The following TCF7L2 variants were observed in gnomAD, a reference collection of about 807,000 sequenced individuals.
The protein encoded by TCF7L2 is transcription factor 7-like 2.
A neutral mutation model predicts 77.9 loss-of-function variants in TCF7L2; 23 were observed. The ratio of observed to expected loss-of-function variants is 0.30; its 90% CI spans 0.21 to 0.42. The LOEUF is 0.42. TCF7L2 is among the 10% of genes least tolerant of loss of function. The pLI is 1.00. For missense variants in TCF7L2, 654 were observed against 793.1 expected (o/e 0.82, Z 2.11); for synonymous variants, 413 against 340.2 (o/e 1.21, Z -2.36).
chr10:112,959,232 G>A (rs534175281), intron 3 of TCF7L2, among the ~76,000 whole-genome samples: 2 of 151,850 alleles, frequency 1.3e-5, no homozygotes, highest in South Asian at 4.2e-4. Context: ...GCATTTCCCC[G>A]CAGACCTACA....
intron 4 of TCF7L2, among the ~76,000 whole-genome samples, chr10:113,025,932 A>T (rs1217794102): frequency 6.6e-6 from 1 of 150,748 alleles, no homozygotes; most frequent in South Asian, 2.1e-4. Context: ...GGGTGGAGTG[A>T]CAGTGGTGCT....
At chr10:113,042,791 A>G (rs971722320) in intron 5 of TCF7L2, among the ~76,000 whole-genome samples, 1 of 152,244 alleles carries the variant, frequency 6.6e-6, no homozygotes, top group East Asian at 1.9e-4. Flanking sequence ...CAATGTGCCA[A>G]CCAAAACCAG....
chr10:112,970,493 T>C (rs956664894), intron 4 of TCF7L2, among the ~76,000 whole-genome samples: 2 of 151,782 alleles, frequency 1.3e-5, no homozygotes, highest in African/African-American at 4.8e-5. Flanking sequence ...TGGCCACTTA[T>C]TCCTGGATGT....
intron 4 of TCF7L2, chr10:112,987,488 G>A (rs1216499367): frequency 6.8e-6 from 1 of 147,766 alleles, no homozygotes; most frequent in African/African-American, 2.5e-5. Flanking sequence ...AACGGTGTAT[G>A]TGAATGTCCT....
intron 5 of TCF7L2, among the ~76,000 whole-genome samples, chr10:113,066,771 A>G (rs549719865): frequency 2.0e-5 from 3 of 152,362 alleles, no homozygotes; most frequent in Admixed American, 1.3e-4. Context: ...AAGATTCTGC[A>G]TATCTGTTTC....
rs541767167 is a variant in TCF7L2, at chr10:113,030,595, A to G, written c.451-9430A>G. Among the ~76,000 whole-genome samples, 17 of 152,366 alleles carry G rather than the reference A, an allele frequency of 1.1e-4. No individual in the cohort carries two copies. The South Asian group carries it at 2.5e-3, about 22-fold the overall frequency. On this transcript the variant is annotated intron_variant, in intron 4 of 13. Coordinates refer to ENST00000627217, the MANE Select transcript of TCF7L2 (RefSeq NM_001146274.2). ...TAAATACTTTTCTGCCTGAAGGTAGATGGCCTCTGGCCTGCCTCTTAGTGG... is the reference window on the plus strand; with the variant it reads ...TAAATACTTTTCTGCCTGAAGGTAGGTGGCCTCTGGCCTGCCTCTTAGTGG...
intron 4 of TCF7L2, among the ~76,000 whole-genome samples, chr10:112,972,436 C>A (rs1268721656): frequency 6.6e-6 from 1 of 152,126 alleles, no homozygotes; most frequent in Non-Finnish European, 1.5e-5. Context: ...TTATTGAATT[C>A]TCTTGAGGGA....
At chr10:113,125,489 C>T (rs1029418963) in intron 5 of TCF7L2, 1 of 151,268 alleles carries the variant, frequency 6.6e-6, no homozygotes, top group Admixed American at 6.6e-5. Context: ...TGGGTTTTTT[C>T]CCCCCGAATT....
intron 5 of TCF7L2, among the ~76,000 whole-genome samples, chr10:113,049,670 C>G (rs960046092): frequency 6.6e-6 from 1 of 152,180 alleles, no homozygotes; most frequent in African/African-American, 2.4e-5. Context: ...AAGCCTTAGA[C>G]AGATCATATC....
At chr10:113,085,993 G>C (rs2059799210) in intron 5 of TCF7L2, among the ~76,000 whole-genome samples, 1 of 152,188 alleles carries the variant, frequency 6.6e-6, no homozygotes, top group Non-Finnish European at 1.5e-5. Context: ...GAGGGCCCTT[G>C]GGGCAATTCC....
intron 5 of TCF7L2, among the ~76,000 whole-genome samples, chr10:113,092,857 T>C (rs1297715600): frequency 6.6e-6 from 1 of 152,046 alleles, no homozygotes; most frequent in Non-Finnish European, 1.5e-5. Context: ...GAGCCAAGAC[T>C]CCCTCGGCTG....
At chr10:113,051,393 G>T (rs1040391337) in intron 5 of TCF7L2, among the ~76,000 whole-genome samples, 2 of 152,222 alleles carry the variant, frequency 1.3e-5, no homozygotes, top group Non-Finnish European at 2.9e-5. Flanking sequence ...TGAAGTTGGA[G>T]ATAGTCTTCT....
chr10:113,165,183 C>T (rs2073906936), intron 13 of TCF7L2, among the ~76,000 whole-genome samples: 2 of 152,188 alleles, frequency 1.3e-5, no homozygotes, highest in South Asian at 2.1e-4. Flanking sequence ...AAGAGCTTTT[C>T]AGTTCTTCTC....
At chr10:113,019,857 T>TAAAC (rs2047999736) in intron 4 of TCF7L2, among the ~76,000 whole-genome samples, 1 of 151,996 alleles carries the variant, frequency 6.6e-6, no homozygotes, top group African/African-American at 2.4e-5. Flanking sequence ...TAACGAAAAG[T>TAAAC]AAACCATCGC....
At chr10:113,034,797 G>A (rs908246964) in intron 4 of TCF7L2, among the ~76,000 whole-genome samples, 1 of 152,204 alleles carries the variant, frequency 6.6e-6, no homozygotes, top group African/African-American at 2.4e-5. Flanking sequence ...TCGGGAGGCT[G>A]AGGCAGGAGA....
At chr10:113,057,618 A>G (rs575251487) in intron 5 of TCF7L2, among the ~76,000 whole-genome samples, 32 of 152,392 alleles carry the variant, frequency 2.1e-4, no homozygotes, top group Admixed American at 1.2e-3. Context: ...AATAACTAAT[A>G]AAATAGAAAT....
chr10:113,045,507 C>T (rs1318932177), intron 5 of TCF7L2, among the ~76,000 whole-genome samples: 2 of 152,088 alleles, frequency 1.3e-5, no homozygotes, highest in Non-Finnish European at 2.9e-5. Context: ...CCAGGGAACC[C>T]CAGCCCCACC....
intron 5 of TCF7L2, among the ~76,000 whole-genome samples, chr10:113,069,527 G>C (rs1429125520): frequency 6.6e-6 from 1 of 152,168 alleles, no homozygotes; most frequent in African/African-American, 2.4e-5. Flanking sequence ...GCCGTGCCCA[G>C]CCAGTATCTA....
chr10:113,040,673 A>G (rs2052284152), intron 5 of TCF7L2, among the ~76,000 whole-genome samples: 1 of 152,090 alleles, frequency 6.6e-6, no homozygotes, highest in South Asian at 2.1e-4. Context: ...TAATCTATAC[A>G]TCCATGGCTT....
Sources: gnomAD v4.1 joint callset for allele counts (sites outside exome capture counted in the v4.1 genomes callset) on GRCh38, gnomAD v4.1.1 for gene constraint, MANE v1.5 for transcripts, NCBI Gene and HGNC (gene_info 2026-07-23, HGNC 2026-07-21) for gene names.